The following MAPK8IP3 variants were observed in gnomAD, a reference collection of about 807,000 sequenced individuals.
MAPK8IP3 encodes mitogen-activated protein kinase 8 interacting protein 3.
A neutral mutation model predicts 157.8 loss-of-function variants in MAPK8IP3; 49 were observed. The ratio of observed to expected loss-of-function variants is 0.31; its 90% CI spans 0.25 to 0.39. MAPK8IP3 has a LOEUF of 0.39. MAPK8IP3 is among the 10% of genes least tolerant of loss of function. The pLI, the probability that MAPK8IP3 is intolerant of heterozygous loss-of-function variation, is 1.00. For missense variants in MAPK8IP3, 1,478 were observed against 1,889.4 expected, an observed-to-expected ratio of 0.78 and a Z score of 4.04; for synonymous variants, 897 against 777.7, an observed-to-expected ratio of 1.15 and a Z score of -2.55.
At chr16:1,754,411 G>A (rs759772544) in intron 8 of MAPK8IP3, among the ~76,000 whole-genome samples, 3 of 152,110 alleles carry the variant, frequency 2.0e-5, no homozygotes, top group African/African-American at 7.2e-5. Context: ...CTTTCTCTCC[G>A]CTCTGCTCTG....
chr16:1,758,284 T>C, intron 9 of MAPK8IP3, 125 bp downstream of exon 9: 2 of 1,089,580 alleles, frequency 1.8e-6, no homozygotes, highest in Non-Finnish European at 2.7e-6. Flanking sequence ...CCGCAGCGCC[T>C]CTGCTTCTGC....
At chr16:1,727,745 C>T (rs913800984) in intron 2 of MAPK8IP3, among the ~76,000 whole-genome samples, 7 of 152,208 alleles carry the variant, frequency 4.6e-5, no homozygotes, top group East Asian at 1.9e-4. Flanking sequence ...GAGATCCCCG[C>T]GCCAGCAGTG....
chr16:1,760,748 C>T (rs942436681), intron 12 of MAPK8IP3, among the ~76,000 whole-genome samples: 1 of 152,208 alleles, frequency 6.6e-6, no homozygotes, highest in Admixed American at 6.5e-5. Flanking sequence ...CTGTCTCACG[C>T]GTTCCTTCTC....
chr16:1,768,037 CCTCTT>C (rs1567214791), intron 28 of MAPK8IP3, 27 bp from the exon 29 acceptor site: 1 of 1,612,146 alleles, frequency 6.2e-7, no homozygotes, highest in South Asian at 1.1e-5. Context: ...TGACCGCTCT[CCTCTT>C]CTCCCATGCT....
intron 25 of MAPK8IP3, 69 bp from the exon 26 acceptor site, chr16:1,767,080 C>T (rs1418157427): frequency 1.3e-6 from 2 of 1,592,326 alleles, no homozygotes; most frequent in Non-Finnish European, 1.7e-6. Flanking sequence ...CAGTGGGTGT[C>T]TCAACCCGAT....
At chr16:1,708,228 C>G (rs547045331) in intron 1 of MAPK8IP3, among the ~76,000 whole-genome samples, 179 of 152,336 alleles carry the variant, frequency 1.2e-3, no homozygotes, top group Non-Finnish European at 2.2e-3. Context: ...AGCCAGGATG[C>G]AGAGTGAACC....
intron 3 of MAPK8IP3, 109 bp from the exon 4 acceptor site, chr16:1,729,378 G>A (rs1045645246): frequency 1.6e-5 from 21 of 1,279,964 alleles, no homozygotes; most frequent in Non-Finnish European, 2.2e-5. Flanking sequence ...CCTCCAGGAC[G>A]CTGTCTTGAT....
Position 1,760,026 on chromosome 16 carries a change from CCTT to C in MAPK8IP3, c.1304+14_1304+16del. ...GCTTCTGGAAACCAAGTAAGAGTGC[CCTT>C]CTCCTGTGTGGTGGGGCTGAGGCAG... On this transcript the variant is annotated intron_variant, in intron 11 of 31. Coordinates refer to ENST00000610761, the MANE Select transcript of MAPK8IP3 (RefSeq NM_001318852.2). 6.2e-7 allele frequency: 1 copy of C among 1,614,056 alleles called. No individual in the cohort carries two copies. Among genetic ancestry groups the C allele is most frequent in the Non-Finnish European group, 8.5e-7 (1 of 1,179,940 alleles).
Position 1,764,281 on chromosome 16 carries a change from C to A in MAPK8IP3, c.2122-20C>A, listed in dbSNP as rs1280802364. 6.3e-7 allele frequency: 1 copy of A among 1,585,088 alleles called. No individual in the cohort carries two copies. Among genetic ancestry groups the A allele is most frequent in the Non-Finnish European group, 8.6e-7 (1 of 1,166,960 alleles). ...GCTGGGGAGTGCCGGTGACACCCGA[C>A]CTCGGCCCTGCCCTTGCAGCTGTGG... On this transcript the variant is annotated intron_variant, in intron 18 of 31. Coordinates refer to ENST00000610761, the MANE Select transcript of MAPK8IP3 (RefSeq NM_001318852.2).
Position 1,759,981 on chromosome 16 carries a change from C to T in MAPK8IP3, c.1270C>T (p.Leu424=). The change falls in exon 11 of 32, where the codon CTG becomes TTG. Residue 424 remains leucine, a synonymous_variant. Coordinates refer to ENST00000610761, the MANE Select transcript of MAPK8IP3 (RefSeq NM_001318852.2). Reference sequence around the variant, plus strand: ...AGGAATGGGCAAAGAAGTGGGGAATCTGCTACTGGAAAACTCACAGCTTCT... The same window carrying T: ...AGGAATGGGCAAAGAAGTGGGGAATTTGCTACTGGAAAACTCACAGCTTCT... ...FFGMGKEVGN[L]LLENSQLLET... is the part of the protein sequence containing the mutation. 1 of 1,614,224 alleles carries T rather than the reference C, an allele frequency of 6.2e-7. No individual in the cohort carries two copies. The highest frequency in any genetic ancestry group is 1.1e-5 in the South Asian group (1 of 91,086).
At chr16:1,767,449 C>T (rs904924859) in intron 26 of MAPK8IP3, 115 bp from the exon 27 acceptor site, 64 of 1,501,374 alleles carry the variant, frequency 4.3e-5, no homozygotes, top group African/African-American at 5.5e-5. Flanking sequence ...GCAAAGCAGG[C>T]GCTGGCTGGG....
rs1319670093 is a variant in MAPK8IP3 at position 1,748,623 on chromosome 16, C to A, written c.1119C>A (p.Asn373Lys). The A allele has an allele frequency of 6.2e-7, 1 of 1,614,116 alleles. No homozygotes were observed. Among genetic ancestry groups the A allele is most frequent in the Admixed American group, 1.7e-5 (1 of 60,024 alleles). The change falls in exon 8 of 32, where the codon AAC (asparagine) becomes AAA (lysine). Residue 373 changes from asparagine to lysine, a missense_variant. By Grantham distance (94) the Asn-to-Lys change is moderately conservative (BLOSUM62 0). This residue lies in a region of MAPK8IP3 where 315 missense variants were observed against 394.4 expected (regional missense o/e 0.80). Transcript: ENST00000610761. ...TGSSPTQGIV[N>K]KAFGINTDSL... is the part of the protein sequence containing the mutation. ...ACAGCCCAACCCAGGGCATCGTGAA[C>A]AAAGCTTTCGGCATCAACACCGACT...
intron 4 of MAPK8IP3, among the ~76,000 whole-genome samples, chr16:1,735,920 GTGAGCATC>G: frequency 7.2e-6 from 1 of 138,048 alleles, no homozygotes. Context: ...GTGACCATCC[GTGAGCATC>G]CGTGTGACCG....
rs202116546 is a variant in MAPK8IP3, at chr16:1,766,164, C to T, written c.2629+22C>T. The T allele has an allele frequency of 1.8e-3, 2,812 of 1,602,244 alleles. 2 individuals are homozygous for T. The highest frequency in any genetic ancestry group is 2.2e-3 in the Non-Finnish European group (2,522 of 1,172,436). ...CAGGGTGAGTCCTGGGCGAGTTTCC[C>T]CCATCCCCTCATTCCCACGTTTCTG... On this transcript the variant is annotated intron_variant, in intron 21 of 31. Transcript: ENST00000610761.
chr16:1,735,497 C>A (rs1190351820), intron 4 of MAPK8IP3, among the ~76,000 whole-genome samples: 1 of 136,064 alleles, frequency 7.3e-6, no homozygotes, highest in Non-Finnish European at 1.5e-5. Context: ...ATGTGAGCGT[C>A]CGTGTGACCA....
chr16:1,765,280 T>C (rs2042192852), intron 20 of MAPK8IP3, 102 bp downstream of exon 20: 14 of 1,337,732 alleles, frequency 1.0e-5, no homozygotes, highest in Non-Finnish European at 1.4e-5. Flanking sequence ...CGGGGTGTCC[T>C]GTGGACACGG....
Position 1,767,207 on chromosome 16 carries a change from C to T in MAPK8IP3, c.3147C>T (p.Ser1049=), listed in dbSNP as rs932215403. 6.2e-7 allele frequency: 1 copy of T among 1,613,330 alleles called. No individual in the cohort carries two copies. Among genetic ancestry groups the T allele is most frequent in the Admixed American group, 1.7e-5 (1 of 60,012 alleles). ...HLMDLGHPHH[S]IRCMAVVYDR... is the part of the protein sequence containing the mutation. ...TGGACCTGGGCCACCCGCACCACTC[C>T]ATCCGCTGCATGGCTGTTGTGTACG... The change falls in exon 26 of 32, where the codon TCC becomes TCT. Residue 1049 remains serine (S), a synonymous_variant. Transcript: ENST00000610761.
Position 1,742,195 on chromosome 16 carries a change from C to G in MAPK8IP3, c.603-1137C>G, listed in dbSNP as rs2040723987. On this transcript the variant is annotated intron_variant, in intron 4 of 31. Transcript: ENST00000610761. The surrounding 1 kb of genome is among the most constrained non-coding windows in gnomAD (Gnocchi z 5.0). ...AGACCTGAGGAGGTGAGGAGCCAGC[C>G]TGGCCTCTGGGACCTCTGGGCTGTT... Among the ~76,000 whole-genome samples, 1 of 152,208 alleles carries G rather than the reference C, an allele frequency of 6.6e-6. No homozygotes were observed. The highest frequency in any genetic ancestry group is 2.4e-5 in the African/African-American group (1 of 41,452).
chr16:1,764,532 G>A lies in MAPK8IP3; in HGVS notation c.2280+73G>A. On this transcript the variant is annotated intron_variant, in intron 19 of 31. Coordinates refer to ENST00000610761, the MANE Select transcript of MAPK8IP3 (RefSeq NM_001318852.2). ...GACAGCTCAGCTGCAGAGCATGCTGGGAGTGAGACACAGGACAGCTGGGGA... is the reference window on the plus strand; with the variant it reads ...GACAGCTCAGCTGCAGAGCATGCTGAGAGTGAGACACAGGACAGCTGGGGA... The A allele has an allele frequency of 2.6e-6, 4 of 1,542,658 alleles. No homozygotes were observed. The South Asian group carries it at 4.9e-5, about 19-fold the overall frequency.
Sources: allele counts gnomAD v4.1 joint callset (sites outside exome capture counted in the v4.1 genomes callset), GRCh38; gene constraint gnomAD v4.1.1; regional missense constraint gnomAD v4.1.1; non-coding constraint Gnocchi (gnomAD v3.1); transcripts MANE v1.5; gene names NCBI Gene and HGNC (gene_info 2026-07-23, HGNC 2026-07-21).